FAM90A20: variants seen among roughly 807,000 people sequenced by gnomAD.
The protein encoded by FAM90A20 is protein FAM90A20.
At chr8:7,297,626 C>T in the FAM90A20 span, 3 of 1,413,790 alleles carry the variant, frequency 2.1e-6, no homozygotes, top group South Asian at 1.1e-5. Flanking sequence ...GAATCTCCAA[C>T]CTCCACCAGC....
At chr8:7,297,154 C>T in the FAM90A20 span, 16 of 1,529,334 alleles carry the variant, frequency 1.0e-5, no homozygotes, top group Non-Finnish European at 1.1e-5. Flanking sequence ...AAATGTCTGG[C>T]AGGGGCTCCG....
At chr8:7,296,245 G>C in the FAM90A20 span, 1 of 685,324 alleles carries the variant, frequency 1.5e-6, no homozygotes, top group Non-Finnish European at 2.7e-6. Context: ...CCTGTCTCCT[G>C]GGGAAAACCA....
the FAM90A20 span, chr8:7,297,286 C>T: frequency 3.7e-6 from 5 of 1,350,434 alleles, 1 homozygote; most frequent in Non-Finnish European, 5.2e-6. Flanking sequence ...GGCACCAGGT[C>T]CACGAGACTC....
At chr8:7,296,598 C>T in the FAM90A20 span, among the ~76,000 whole-genome samples, 2 of 135,610 alleles carry the variant, frequency 1.5e-5, no homozygotes, top group East Asian at 4.0e-4. Context: ...GGCTTTCTTT[C>T]TGTCCAATTA....
At chr8:7,296,747 G>C in the FAM90A20 span, among the ~76,000 whole-genome samples, 1 of 135,860 alleles carries the variant, frequency 7.4e-6, no homozygotes, top group African/African-American at 3.5e-5. Context: ...CCACCAACCT[G>C]CCTTCGGAAA....
At chr8:7,296,732 T>A in the FAM90A20 span, among the ~76,000 whole-genome samples, 2 of 135,802 alleles carry the variant, frequency 1.5e-5, 1 homozygote, top group African/African-American at 7.0e-5. Context: ...CCGAGTACCC[T>A]TGAGCCACCA....
At chr8:7,296,227 G>C in the FAM90A20 span, 1 of 672,422 alleles carries the variant, frequency 1.5e-6, no homozygotes, top group East Asian at 2.8e-5. Context: ...GCCCCAGACG[G>C]GGTTCTCCCT....
chr8:7,296,280 G>T, the FAM90A20 span: 2 of 724,792 alleles, frequency 2.8e-6, no homozygotes, highest in East Asian at 2.5e-5. Context: ...ACCTTTTTCT[G>T]TTCTGCAGGC....
the FAM90A20 span, chr8:7,297,095 T>C: frequency 6.7e-7 from 1 of 1,502,614 alleles, no homozygotes; most frequent in South Asian, 1.1e-5. Flanking sequence ...CCACACAACC[T>C]GTAAGAGGCC....
the FAM90A20 span, chr8:7,296,373 C>A: frequency 3.1e-5 from 23 of 744,720 alleles, 2 homozygotes; most frequent in Middle Eastern, 7.2e-4. Context: ...GAAAAGGATC[C>A]ACGGAATCTT....
chr8:7,296,768 C>G, the FAM90A20 span, among the ~76,000 whole-genome samples: 2 of 135,986 alleles, frequency 1.5e-5, 1 homozygote, highest in African/African-American at 7.0e-5. Flanking sequence ...GCCATTAGTC[C>G]GTTCCACTTC....
chr8:7,295,528 A>T, the FAM90A20 span: 1 of 594,170 alleles, frequency 1.7e-6, no homozygotes, highest in Non-Finnish European at 2.9e-6. Context: ...CCTCTTTGGA[A>T]TCCTTATTCA....
the FAM90A20 span, chr8:7,297,361 C>T: frequency 4.1e-6 from 6 of 1,455,430 alleles, 1 homozygote; most frequent in Non-Finnish European, 5.7e-6. Context: ...CCCAGGCTGC[C>T]TCCAAAACCC....
the FAM90A20 span, chr8:7,296,529 G>A: frequency 3.2e-6 from 2 of 627,600 alleles, no homozygotes; most frequent in South Asian, 3.2e-5. Context: ...GGGCCTCCAC[G>A]ATCCTTGCAG....
the FAM90A20 span, among the ~76,000 whole-genome samples, chr8:7,296,769 G>A: frequency 7.3e-6 from 1 of 136,070 alleles, no homozygotes; most frequent in Non-Finnish European, 1.5e-5. Flanking sequence ...CCATTAGTCC[G>A]TTCCACTTCA....
At chr8:7,297,395 A>T in the FAM90A20 span, 3 of 1,526,964 alleles carry the variant, frequency 2.0e-6, 1 homozygote, top group Admixed American at 1.7e-5. Context: ...GGCCGTCAGA[A>T]CCCAGGCACA....
At chr8:7,295,667 G>A in the FAM90A20 span, 1 of 720,108 alleles carries the variant, frequency 1.4e-6, no homozygotes, top group Non-Finnish European at 2.4e-6. Flanking sequence ...TGGCCACACG[G>A]CCAGAAGTAC....
At chr8:7,297,571 G>C in the FAM90A20 span, 1 of 1,513,310 alleles carries the variant, frequency 6.6e-7, no homozygotes, top group South Asian at 1.1e-5. Context: ...GTCCCTTCCA[G>C]ATCCCCGAAA....
At chr8:7,296,404 G>T in the FAM90A20 span, 162 of 740,934 alleles carry the variant, frequency 2.2e-4, 19 homozygotes, top group Non-Finnish European at 3.3e-4. Context: ...GAGGGTGAGT[G>T]TCACCCCGGG....
Sources: allele counts gnomAD v4.1 joint callset (sites outside exome capture counted in the v4.1 genomes callset), GRCh38; gene constraint gnomAD v4.1.1; transcripts MANE v1.5; gene names NCBI Gene and HGNC (gene_info 2026-07-23, HGNC 2026-07-21).